The following MAD1L1 variants were observed in gnomAD, a reference collection of about 807,000 sequenced individuals.
MAD1L1 encodes mitotic arrest deficient 1 like 1.
MAD1L1 carries 95 observed loss-of-function variants against 96.9 expected under a neutral mutation model. The ratio of observed to expected loss-of-function variants is 0.98; its 90% CI spans 0.83 to 1.16. The LOEUF is 1.16. Among genes scored for constraint, MAD1L1 ranks in the 50% most tolerant of loss-of-function variants. The pLI, the probability that MAD1L1 is intolerant of heterozygous loss-of-function variation, is 0.00. For synonymous variants in MAD1L1, 473 were observed against 396.6 expected (o/e 1.19, Z -2.29); for missense variants, 1,007 against 954.4 (o/e 1.06, Z -0.73).
chr7:1,880,412 G>A (rs1475893253), intron 18 of MAD1L1, among the ~76,000 whole-genome samples: 1 of 152,136 alleles, frequency 6.6e-6, no homozygotes, highest in Non-Finnish European at 1.5e-5. Context: ...TCCCTGCAGA[G>A]CCCAAACTTG....
Position 1,815,836 on chromosome 7 carries a change from G to A in MAD1L1, c.*234C>T, listed in dbSNP as rs1781764291. 1 of 536,602 alleles carries A rather than the reference G, an allele frequency of 1.9e-6. No individual in the cohort carries two copies. The highest frequency in any genetic ancestry group is 3.3e-5 in the Admixed American group (1 of 29,856). The allele number at this position is 536,602 out of a possible 1,614,324, so 33.2% of individuals were successfully genotyped here. A position where few individuals can be genotyped will look rare whatever the true frequency, so the allele number is the denominator to read the frequency against. The stretch of plus-strand genomic sequence containing the variant: ...TTATTTCACAAGGTGAGGAACCCAG[G>A]CTGGTGGCCGACGCCCACACACCAG... On this transcript the variant is annotated 3_prime_UTR_variant, in exon 19 of 19. Transcript: ENST00000265854.
chr7:2,105,016 G>A (rs569174823), intron 11 of MAD1L1, among the ~76,000 whole-genome samples: 3 of 152,204 alleles, frequency 2.0e-5, no homozygotes, highest in Admixed American at 1.3e-4. Context: ...TCCTGGCACA[G>A]CCTGAGGGCT....
At chr7:2,064,687 T>G (rs911833221) in intron 12 of MAD1L1, among the ~76,000 whole-genome samples, 3 of 146,026 alleles carry the variant, frequency 2.1e-5, no homozygotes, top group Admixed American at 2.0e-4. Flanking sequence ...CCCAGGAATA[T>G]GGCAGCTTCT....
At chr7:1,989,169 C>G (rs568842234) in intron 14 of MAD1L1, among the ~76,000 whole-genome samples, 2 of 152,192 alleles carry the variant, frequency 1.3e-5, no homozygotes, top group Admixed American at 1.3e-4. Flanking sequence ...CTCAGGGTAA[C>G]GCAAACAAAG....
At chr7:1,854,878 C>G (rs1415275743) in intron 18 of MAD1L1, among the ~76,000 whole-genome samples, 3 of 152,244 alleles carry the variant, frequency 2.0e-5, no homozygotes, top group Non-Finnish European at 2.9e-5. Flanking sequence ...GGGTGCCAGG[C>G]CCCAGGCAGG....
At chr7:2,077,647 A>G (rs555004045) in intron 11 of MAD1L1, among the ~76,000 whole-genome samples, 2 of 152,364 alleles carry the variant, frequency 1.3e-5, no homozygotes, top group African/African-American at 4.8e-5. Flanking sequence ...GGCCTGGAGC[A>G]GGTACACGAG....
chr7:1,900,780 G>A (rs981588021), intron 17 of MAD1L1, among the ~76,000 whole-genome samples: 4 of 152,206 alleles, frequency 2.6e-5, no homozygotes, highest in East Asian at 1.9e-4. Flanking sequence ...GCCTGACCTT[G>A]GAGAAGGAAA....
intron 15 of MAD1L1, among the ~76,000 whole-genome samples, chr7:1,963,614 A>G (rs1780038420): frequency 3.9e-5 from 6 of 152,220 alleles, no homozygotes; most frequent in Admixed American, 3.9e-4. Context: ...ACTGTAGTGA[A>G]TGACCTCTGA....
chr7:1,915,837 T>A lies in MAD1L1; in HGVS notation c.1808-17447A>T, dbSNP rs1788352804. ...GATAAGGGGCTTAGTCTAAGGTCGA[T>A]TCAACACTGGGGTCAGCAGGGAATT... On this transcript the variant is annotated intron_variant, in intron 17 of 18. Transcript: ENST00000265854. Among the ~76,000 whole-genome samples, 3 of 152,270 alleles carry A rather than the reference T, an allele frequency of 2.0e-5. No individual in the cohort carries two copies. The South Asian group carries it at 6.2e-4, about 32-fold the overall frequency.
chr7:2,118,117 G>A (rs983513084), intron 11 of MAD1L1, among the ~76,000 whole-genome samples: 28 of 152,248 alleles, frequency 1.8e-4, no homozygotes, highest in African/African-American at 6.3e-4. Context: ...TCCACCCTGT[G>A]CACCCGACAC....
At chr7:2,228,066 A>T (rs887633634) in intron 3 of MAD1L1, among the ~76,000 whole-genome samples, 1 of 152,138 alleles carries the variant, frequency 6.6e-6, no homozygotes, top group African/African-American at 2.4e-5. Flanking sequence ...GGGATGTGAC[A>T]GGGGCCAGGG....
chr7:1,970,899 G>T (rs1780373680), intron 15 of MAD1L1, among the ~76,000 whole-genome samples: 1 of 152,128 alleles, frequency 6.6e-6, no homozygotes. Context: ...CCGGATAAGG[G>T]TACCACCGCC....
chr7:2,006,957 C>A (rs1206759509), intron 13 of MAD1L1, among the ~76,000 whole-genome samples: 1 of 152,166 alleles, frequency 6.6e-6, no homozygotes, highest in Non-Finnish European at 1.5e-5. Flanking sequence ...GGAGGGCAGG[C>A]AGCTCAGAGC....
At chr7:2,120,332 T>G (rs973490640) in intron 11 of MAD1L1, among the ~76,000 whole-genome samples, 3 of 152,126 alleles carry the variant, frequency 2.0e-5, no homozygotes, top group African/African-American at 7.2e-5. Flanking sequence ...CACCACTTCC[T>G]CCCAGCTGAT....
chr7:2,024,175 C>A (rs1277792110), intron 12 of MAD1L1, among the ~76,000 whole-genome samples: 1 of 151,606 alleles, frequency 6.6e-6, no homozygotes, highest in Non-Finnish European at 1.5e-5. Context: ...GGAGCCATCA[C>A]TACTAATCCT....
chr7:1,855,351 A>G (rs1784195321), intron 18 of MAD1L1, among the ~76,000 whole-genome samples: 1 of 152,026 alleles, frequency 6.6e-6, no homozygotes, highest in Non-Finnish European at 1.5e-5. Flanking sequence ...GACAGCGACA[A>G]GCTGAGCATT....
chr7:1,867,242 T>C (rs766190571), intron 18 of MAD1L1, among the ~76,000 whole-genome samples: 5 of 152,138 alleles, frequency 3.3e-5, no homozygotes, highest in East Asian at 1.9e-4. Context: ...ATGAAGCTCA[T>C]GCCCAGCCCA....
chr7:1,979,828 C>A (rs992918318), intron 15 of MAD1L1, among the ~76,000 whole-genome samples: 2 of 152,194 alleles, frequency 1.3e-5, no homozygotes, highest in African/African-American at 4.8e-5. Flanking sequence ...CACTGCCATG[C>A]AGCCCCTGCG....
At position 2,152,459 on chromosome 7, in the gene MAD1L1, G is replaced by A. The variant is rs528646641; in HGVS notation, c.987-3221C>T. On this transcript the variant is annotated intron_variant, in intron 10 of 18. Transcript: ENST00000265854. ...CCACTTTGGCTAAACCAAGCCTCAC[G>A]AGCCCTGTCTGGCCATTCTTGCTCA... Among the ~76,000 whole-genome samples the A allele has an allele frequency of 3.2e-4, 48 of 152,326 alleles. No individual in the cohort carries two copies. The South Asian group carries it at 8.3e-3, about 26-fold the overall frequency.
Sources: allele counts gnomAD v4.1 joint callset (sites outside exome capture counted in the v4.1 genomes callset), GRCh38; gene constraint gnomAD v4.1.1; transcripts MANE v1.5; gene names NCBI Gene and HGNC (gene_info 2026-07-23, HGNC 2026-07-21).